Variants in MAP4K5 observed in about 807,000 individuals in gnomAD.
MAP4K5 encodes mitogen-activated protein kinase kinase kinase kinase 5.
Under a neutral mutation model 135.6 loss-of-function variants are expected in MAP4K5, and 82 were observed. The ratio of observed to expected loss-of-function variants is 0.60; its 90% confidence interval spans 0.51 to 0.73. The LOEUF (loss-of-function observed/expected upper bound fraction) is 0.73. Among genes scored for constraint, MAP4K5 ranks in the 30% least tolerant of loss-of-function variants. The probability of loss-of-function intolerance (pLI) is 0.00; values close to 1 mark genes in which losing one functional copy is unlikely to be tolerated. For synonymous variants in MAP4K5, 347 were observed against 335.0 expected (o/e 1.04, Z -0.39); for missense variants, 907 against 1,010.9 (o/e 0.90, Z 1.39).
intron 2 of MAP4K5, among the ~76,000 whole-genome samples, chr14:50,525,061 C>T (rs555451362): frequency 6.6e-6 from 1 of 152,136 alleles, no homozygotes; most frequent in Non-Finnish European, 1.5e-5. Context: ...CTTTCCTCAG[C>T]TCTCCTACAA....
intron 2 of MAP4K5, among the ~76,000 whole-genome samples, chr14:50,524,087 C>T (rs1232214327): frequency 1.3e-5 from 2 of 152,186 alleles, no homozygotes; most frequent in Non-Finnish European, 2.9e-5. Context: ...AATTCTTTGT[C>T]TTGATTTCCT....
chr14:50,439,866 T>C (rs1055327713), intron 23 of MAP4K5, 147 bp downstream of exon 23: 2 of 865,150 alleles, frequency 2.3e-6, no homozygotes, highest in Non-Finnish European at 3.3e-6. Context: ...CTTCCCATTC[T>C]AGGTGGGTAG....
At chr14:50,558,348 G>T (rs1478660740) in intron 1 of MAP4K5, among the ~76,000 whole-genome samples, 1 of 152,224 alleles carries the variant, frequency 6.6e-6, no homozygotes, top group African/African-American at 2.4e-5. Flanking sequence ...AACAGAGGGA[G>T]ACTGTGTCTG....
At chr14:50,476,341 A>C in intron 6 of MAP4K5, 35 bp from the exon 7 acceptor site, 1 of 1,090,798 alleles carries the variant, frequency 9.2e-7, no homozygotes, top group Non-Finnish European at 1.3e-6. Context: ...AGAATGTATC[A>C]GCAAAACTGT....
chr14:50,524,052 C>T (rs1477449272), intron 2 of MAP4K5, among the ~76,000 whole-genome samples: 1 of 152,180 alleles, frequency 6.6e-6, no homozygotes, highest in Non-Finnish European at 1.5e-5. Context: ...CTTTTATCTG[C>T]TTTCTGAATT....
intron 1 of MAP4K5, among the ~76,000 whole-genome samples, chr14:50,549,635 T>C (rs2038676863): frequency 6.6e-6 from 1 of 152,178 alleles, no homozygotes. Flanking sequence ...ATATATGGCA[T>C]GCTACGAAGA....
chr14:50,488,162 C>T (rs1465142102), intron 3 of MAP4K5, among the ~76,000 whole-genome samples: 4 of 152,090 alleles, frequency 2.6e-5, no homozygotes, highest in Non-Finnish European at 5.9e-5. Flanking sequence ...GCAGGCAAGT[C>T]TGACACTGTG....
intron 2 of MAP4K5, among the ~76,000 whole-genome samples, chr14:50,510,174 C>G (rs981657008): frequency 6.6e-6 from 1 of 152,100 alleles, no homozygotes; most frequent in Non-Finnish European, 1.5e-5. Context: ...CCATTCTTCT[C>G]GGTTACCAAT....
intron 13 of MAP4K5, 89 bp from the exon 14 acceptor site, chr14:50,456,683 T>A (rs2036601388): frequency 2.6e-6 from 2 of 763,310 alleles, no homozygotes; most frequent in African/African-American, 1.8e-5. Context: ...TTGATAAATA[T>A]GAATATCTAC....
rs2037097105 is a variant in MAP4K5 at position 50,476,313 on chromosome 14, G to GT, written c.379-8dup. On this transcript the variant is annotated splice_region_variant and splice_polypyrimidine_tract_variant and intron_variant, in intron 6 of 32. Coordinates refer to ENST00000682126, the MANE Select transcript of MAP4K5 (RefSeq NM_006575.6). ...TATGCAAATAGGCAAGACCCTAAAA[G>GT]TTTAAAAAAAAAAAAAAAGAATGTA... is the stretch of plus-strand genomic sequence containing the variant. The GT allele has an allele frequency of 3.5e-6, 4 of 1,136,704 alleles. No individual in the cohort carries two copies. The highest frequency in any genetic ancestry group is 4.6e-6 in the Non-Finnish European group (4 of 861,482). The allele number at this position is 1,136,704 out of a possible 1,614,324, so 70.4% of individuals were successfully genotyped here.
Position 50,428,728 on chromosome 14 carries a change from C to A in MAP4K5, c.2260G>T (p.Gly754Ter). 6.7e-7 allele frequency: 1 copy of A among 1,494,474 alleles called. No homozygotes were observed. The highest frequency in any genetic ancestry group is 8.9e-7 in the Non-Finnish European group (1 of 1,119,710). 92.6% of individuals were successfully genotyped at this position (1,494,474 alleles called of 1,614,324 possible). The change falls in exon 30 of 33, where the codon GGA becomes TGA. Residue 754 changes from glycine to a stop codon, truncating the protein, a stop_gained. Coordinates refer to ENST00000682126, the MANE Select transcript of MAP4K5 (RefSeq NM_006575.6). LOFTEE classifies it high-confidence loss of function. Reference protein sequence around the residue: ...DKFVKIVNLQGKLKSSKKLAS... With the variant: ...DKFVKIVNLQ ...AGTTTCTTACTTGATTTTAATTTTCCTTGTAGATTTACAATTTTCACAAAT... is the reference window on the plus strand; with the variant it reads ...AGTTTCTTACTTGATTTTAATTTTCATTGTAGATTTACAATTTTCACAAAT...
intron 3 of MAP4K5, among the ~76,000 whole-genome samples, chr14:50,503,071 A>G (rs2037740727): frequency 6.6e-6 from 1 of 152,022 alleles, no homozygotes; most frequent in African/African-American, 2.4e-5. Flanking sequence ...CGGAGAGAAA[A>G]AAGAACACTT....
At chr14:50,431,605 G>A (rs997078097) in intron 28 of MAP4K5, among the ~76,000 whole-genome samples, 26 of 152,022 alleles carry the variant, frequency 1.7e-4, no homozygotes, top group African/African-American at 6.0e-4. Context: ...TGGCTGCACA[G>A]TATTCCATGG....
intron 2 of MAP4K5, chr14:50,542,371 T>C (rs2038576290): frequency 6.6e-6 from 1 of 151,952 alleles, no homozygotes; most frequent in Admixed American, 6.6e-5. Flanking sequence ...AATGACAGGT[T>C]GATAGGTGCA....
chr14:50,507,606 C>A lies in MAP4K5; in HGVS notation c.109-2749G>T, dbSNP rs377256764. Among the ~76,000 whole-genome samples, 99 of 152,246 alleles carry A rather than the reference C, an allele frequency of 6.5e-4. 5 individuals carry two copies. The South Asian group carries it at 0.02, about 31-fold the overall frequency. The stretch of plus-strand genomic sequence containing the variant: ...ATTTCTGCCTTCATTTCGTTATGTA[C>A]CCAGTAGTCATTGAGGAGCAGGTTG... On this transcript the variant is annotated intron_variant, in intron 2 of 32. Transcript: ENST00000682126.
At chr14:50,471,436 A>C (rs2036960393) in intron 9 of MAP4K5, among the ~76,000 whole-genome samples, 1 of 152,190 alleles carries the variant, frequency 6.6e-6, no homozygotes, top group Non-Finnish European at 1.5e-5. Flanking sequence ...AAACATGAGA[A>C]AACATTTAAA....
rs758464004 is a variant in MAP4K5, at chr14:50,428,769, ACAAGT to A, written c.2234-20_2234-16del. ...TTTCACAAATTCTTAAAAAAAAAAA[ACAAGT>A]CAAGACTGGACATGCAAATCTGCTA... On this transcript the variant is annotated splice_polypyrimidine_tract_variant and intron_variant, in intron 29 of 32. Transcript: ENST00000682126. 7.7e-5 allele frequency: 93 copies of A among 1,213,174 alleles called. 1 individual carries two copies. In the Admixed American group the frequency reaches 1.3e-3, roughly 16 times the overall value. 75.2% of individuals were successfully genotyped at this position (1,213,174 alleles called of 1,614,324 possible).
intron 30 of MAP4K5, among the ~76,000 whole-genome samples, chr14:50,426,689 A>C (rs1454626845): frequency 1.3e-5 from 2 of 152,190 alleles, no homozygotes; most frequent in Admixed American, 1.3e-4. Context: ...ACGTCACTTC[A>C]CTCCAGCTTG....
chr14:50,514,858 G>A (rs938528380), intron 2 of MAP4K5, among the ~76,000 whole-genome samples: 5 of 151,748 alleles, frequency 3.3e-5, no homozygotes, highest in Non-Finnish European at 7.4e-5. Flanking sequence ...ATGTATCACC[G>A]CCTATCTTCC....
Sources: gnomAD v4.1 joint callset for allele counts (sites outside exome capture counted in the v4.1 genomes callset) on GRCh38, gnomAD v4.1.1 for gene constraint, MANE v1.5 for transcripts, NCBI Gene and HGNC (gene_info 2026-07-23, HGNC 2026-07-21) for gene names.